Variants in FSHR observed in about 807,000 individuals in gnomAD.
FSHR encodes the protein follicle stimulating hormone receptor.
A neutral mutation model predicts 52.1 loss-of-function variants in FSHR; 46 were observed. The ratio of observed to expected loss-of-function variants is 0.88; its 90% CI spans 0.70 to 1.13. The LOEUF is 1.13. Ranked by LOEUF, FSHR falls within the 50% of genes most tolerant of loss-of-function variation. The pLI is 0.00. For synonymous variants in FSHR, 399 were observed against 309.6 expected (o/e 1.29, Z -3.03); for missense variants, 964 against 834.6 (o/e 1.16, Z -1.91).
At chr2:49,154,148 T>C in intron 1 of FSHR, 118 bp downstream of exon 1, 1 of 1,129,576 alleles carries the variant, frequency 8.9e-7, no homozygotes, top group Non-Finnish European at 1.3e-6. Context: ...ATTCAGGACT[T>C]CGGTCAAGGG....
intron 1 of FSHR, among the ~76,000 whole-genome samples, chr2:49,083,642 G>T (rs1397943802): frequency 1.3e-5 from 2 of 150,204 alleles, no homozygotes; most frequent in Non-Finnish European, 3.0e-5. Context: ...ATAAAAGGAT[G>T]GAGGAAGCTC....
intron 1 of FSHR, among the ~76,000 whole-genome samples, chr2:49,085,122 C>A (rs1670325474): frequency 2.0e-5 from 3 of 151,960 alleles, no homozygotes; most frequent in Non-Finnish European, 4.4e-5. Flanking sequence ...CTGAATCCAG[C>A]AGCACATCAA....
intron 1 of FSHR, among the ~76,000 whole-genome samples, chr2:49,134,631 C>T (rs1672420167): frequency 6.6e-6 from 1 of 152,136 alleles, no homozygotes; most frequent in Non-Finnish European, 1.5e-5. Context: ...TTTATTGTGG[C>T]ACTATTCACA....
At chr2:49,043,722 T>C (rs1668561228) in intron 2 of FSHR, among the ~76,000 whole-genome samples, 1 of 152,216 alleles carries the variant, frequency 6.6e-6, no homozygotes. Flanking sequence ...GCTTCTTTTC[T>C]TCTATTCCTG....
intron 1 of FSHR, among the ~76,000 whole-genome samples, chr2:49,114,196 C>T (rs1266407239): frequency 1.3e-5 from 2 of 152,144 alleles, no homozygotes; most frequent in Non-Finnish European, 2.9e-5. Flanking sequence ...ATCACCACAT[C>T]GCCAGTACAA....
At chr2:48,970,583 C>A (rs1347129404) in intron 8 of FSHR, among the ~76,000 whole-genome samples, 1 of 152,064 alleles carries the variant, frequency 6.6e-6, no homozygotes, top group Non-Finnish European at 1.5e-5. Flanking sequence ...TCTGACTATA[C>A]CCAATCTTTT....
At position 48,968,881 on chromosome 2, in the gene FSHR, T is replaced by C. The variant is rs386833515; in HGVS notation, c.671A>G (p.Asp224Gly). 1.2e-6 allele frequency: 2 copies of C among 1,613,026 alleles called. No homozygotes were observed. Among genetic ancestry groups the C allele is most frequent in the African/African-American group, 1.3e-5 (1 of 74,896 alleles). ...GGAATGGATCCTTGTTCTTGAAATA[T>C]CTCTATAAAGAGAAAAGGTAAATAT... Reference protein sequence around the residue: ...FHGASGPVILDISRTRIHSLP... With the variant: ...FHGASGPVILGISRTRIHSLP... Residue 224 changes from aspartate (D) to glycine (G), a missense_variant and splice_region_variant, in exon 9 of 10, where the codon GAT (aspartate) becomes GGT (glycine). Transcript: ENST00000406846.
chr2:49,076,671 A>G (rs1669961248), intron 1 of FSHR, among the ~76,000 whole-genome samples: 1 of 152,226 alleles, frequency 6.6e-6, no homozygotes, highest in African/African-American at 2.4e-5. Context: ...CATCTGAGAC[A>G]AGGCCAGCCC....
intron 1 of FSHR, among the ~76,000 whole-genome samples, chr2:49,084,201 C>A (rs1291165424): frequency 6.6e-6 from 1 of 151,432 alleles, no homozygotes; most frequent in Non-Finnish European, 1.5e-5. Context: ...TCACTCAAAA[C>A]CGCTCAACTA....
chr2:48,986,712 T>C (rs569102207), intron 6 of FSHR, among the ~76,000 whole-genome samples: 21 of 152,342 alleles, frequency 1.4e-4, no homozygotes, highest in Admixed American at 9.1e-4. Context: ...AGACAGGATC[T>C]ATATGTTTCC....
chr2:49,007,365 A>C (rs1276352368), intron 4 of FSHR, among the ~76,000 whole-genome samples: 10 of 152,148 alleles, frequency 6.6e-5, no homozygotes, highest in Non-Finnish European at 1.5e-4. Flanking sequence ...GTTCAAATGC[A>C]ACAAAGGATG....
chr2:48,984,695 A>G (rs1415625297), intron 6 of FSHR, among the ~76,000 whole-genome samples: 4 of 151,934 alleles, frequency 2.6e-5, no homozygotes, highest in African/African-American at 9.7e-5. Flanking sequence ...TTAGCTCATG[A>G]GCTGGATTTG....
At chr2:48,995,569 A>G (rs760397015) in intron 4 of FSHR, among the ~76,000 whole-genome samples, 1 of 152,116 alleles carries the variant, frequency 6.6e-6, no homozygotes, top group Admixed American at 6.6e-5. Context: ...GAAACATGGT[A>G]AAGAAGAAGC....
At chr2:49,116,203 T>G (rs1671593859) in intron 1 of FSHR, among the ~76,000 whole-genome samples, 1 of 152,112 alleles carries the variant, frequency 6.6e-6, no homozygotes, top group Non-Finnish European at 1.5e-5. Flanking sequence ...TAAGCCATAT[T>G]GGGAAATTTG....
chr2:49,150,468 C>T (rs4331540), intron 1 of FSHR, among the ~76,000 whole-genome samples: 43,324 of 151,788 alleles, frequency 0.29, 6,504 homozygotes, highest in East Asian at 0.47. Flanking sequence ...ACATTATTAT[C>T]ATCAACAACA....
At chr2:49,138,278 G>T (rs902335229) in intron 1 of FSHR, among the ~76,000 whole-genome samples, 12 of 152,148 alleles carry the variant, frequency 7.9e-5, no homozygotes, top group Non-Finnish European at 1.3e-4. Context: ...AATGTAAAAT[G>T]GCTCAGCCAC....
rs148382842 is a variant in FSHR, at chr2:49,134,618, A to G, written c.152+19648T>C. ...CTGCTATCAAGACACATGCACACATATGTTTATTGTGGCACTATTCACAAT... is the reference window on the plus strand; with the variant it reads ...CTGCTATCAAGACACATGCACACATGTGTTTATTGTGGCACTATTCACAAT... On this transcript the variant is annotated intron_variant, in intron 1 of 9. Coordinates refer to ENST00000406846, the MANE Select transcript of FSHR (RefSeq NM_000145.4). 5.5e-3 allele frequency among the ~76,000 whole-genome samples: 843 copies of G among 152,328 alleles called. 3 individuals carry two copies. The highest frequency in any genetic ancestry group is 9.8e-3 in the Non-Finnish European group (667 of 68,038).
At chr2:49,152,894 A>G (rs191304330) in intron 1 of FSHR, among the ~76,000 whole-genome samples, 1 of 152,364 alleles carries the variant, frequency 6.6e-6, no homozygotes, top group African/African-American at 2.4e-5. Context: ...ATAGGAGCTC[A>G]GGTACATTGG....
chr2:49,007,696 C>A (rs1487773834), intron 4 of FSHR, among the ~76,000 whole-genome samples: 2 of 151,998 alleles, frequency 1.3e-5, no homozygotes, highest in Non-Finnish European at 2.9e-5. Context: ...CAGAGGCCTT[C>A]AAAACATTAG....
Sources: allele counts gnomAD v4.1 joint callset (sites outside exome capture counted in the v4.1 genomes callset), GRCh38; gene constraint gnomAD v4.1.1; transcripts MANE v1.5; gene names NCBI Gene and HGNC (gene_info 2026-07-23, HGNC 2026-07-21).